The following RBFOX3 variants were observed in gnomAD, a reference collection of about 807,000 sequenced individuals.
The protein encoded by RBFOX3 is RNA binding fox-1 homolog 3.
Under a neutral mutation model 48.7 loss-of-function variants are expected in RBFOX3, and 17 were observed. The ratio of observed to expected loss-of-function variants is 0.35; its 90% CI spans 0.24 to 0.52. The LOEUF (loss-of-function observed/expected upper bound fraction) is 0.52. RBFOX3 is among the 20% of genes least tolerant of loss of function. RBFOX3 has a pLI of 0.94. For missense variants in RBFOX3, 382 were observed against 497.5 expected, an observed-to-expected ratio of 0.77 and a Z score of 2.21; for synonymous variants, 212 against 209.5, an observed-to-expected ratio of 1.01 and a Z score of -0.10.
chr17:79,109,660 A>G (rs1004251746), intron 5 of RBFOX3, among the ~76,000 whole-genome samples: 1 of 152,202 alleles, frequency 6.6e-6, no homozygotes, highest in Non-Finnish European at 1.5e-5. Context: ...CTCGGTGGAC[A>G]GGGATGTGCC....
chr17:79,353,578 A>T (rs1441851990), intron 2 of RBFOX3, among the ~76,000 whole-genome samples: 1 of 152,238 alleles, frequency 6.6e-6, no homozygotes, highest in East Asian at 1.9e-4. Context: ...ACTCATGCAG[A>T]TGCTGCAGTG....
intron 2 of RBFOX3, among the ~76,000 whole-genome samples, chr17:79,433,630 G>T (rs1333782031): frequency 1.3e-5 from 2 of 152,168 alleles, no homozygotes; most frequent in Admixed American, 6.5e-5. Context: ...ACGTGAGCAG[G>T]ACTGAGCCAC....
At chr17:79,305,231 G>A (rs1333467922) in intron 3 of RBFOX3, among the ~76,000 whole-genome samples, 1 of 152,214 alleles carries the variant, frequency 6.6e-6, no homozygotes, top group South Asian at 2.1e-4. Context: ...GGGGGGGAAA[G>A]GGAGAGGTGG....
chr17:79,607,918 G>A (rs2093872477), intron 1 of RBFOX3, among the ~76,000 whole-genome samples: 1 of 152,188 alleles, frequency 6.6e-6, no homozygotes, highest in Non-Finnish European at 1.5e-5. Context: ...AGTGACAGGC[G>A]CAGGACAGAA....
At chr17:79,649,043 A>T in the RBFOX3 span, among the ~76,000 whole-genome samples, 1 of 150,590 alleles carries the variant, frequency 6.6e-6, no homozygotes, top group East Asian at 1.9e-4. Context: ...CAGAGCTACA[A>T]TTGCAGCTCA....
intron 4 of RBFOX3, among the ~76,000 whole-genome samples, chr17:79,224,367 G>A (rs1471323381): frequency 1.3e-5 from 2 of 152,214 alleles, no homozygotes; most frequent in Non-Finnish European, 2.9e-5. Context: ...GGCATTGTGT[G>A]GACTTTCCCT....
chr17:79,541,128 A>C (rs2089635287), intron 1 of RBFOX3, among the ~76,000 whole-genome samples: 2 of 152,334 alleles, frequency 1.3e-5, no homozygotes, highest in South Asian at 4.1e-4. Context: ...GGACAAAATC[A>C]TCAGAATAAA....
intron 3 of RBFOX3, among the ~76,000 whole-genome samples, chr17:79,301,241 G>T (rs936244604): frequency 6.6e-6 from 1 of 152,210 alleles, no homozygotes; most frequent in Admixed American, 6.5e-5. Flanking sequence ...GAAGGACTTT[G>T]CACATGTGGA....
Position 79,145,562 on chromosome 17 carries a change from G to A in RBFOX3, c.-33-29814C>T, listed in dbSNP as rs1489193798. ...CAGGCCAGCCCAGTCGGCTCTGAGA[G>A]GGGGCCCCGCCCCACCGCCCTGGCC... is the stretch of plus-strand genomic sequence containing the variant. On this transcript the variant is annotated intron_variant, in intron 4 of 14. Coordinates refer to ENST00000693108, the MANE Select transcript of RBFOX3 (RefSeq NM_001350451.2). Among the ~76,000 whole-genome samples, 7 of 152,206 alleles carry A rather than the reference G, an allele frequency of 4.6e-5. No individual in the cohort carries two copies. In the East Asian group the frequency reaches 1.3e-3, roughly 29 times the overall value.
At chr17:79,138,337 A>G (rs2040764729) in intron 4 of RBFOX3, among the ~76,000 whole-genome samples, 1 of 152,118 alleles carries the variant, frequency 6.6e-6, no homozygotes, top group South Asian at 2.1e-4. Context: ...GCTCGTGTGT[A>G]CCATGTCACA....
intron 2 of RBFOX3, among the ~76,000 whole-genome samples, chr17:79,394,972 A>G (rs1020251142): frequency 3.9e-5 from 6 of 152,342 alleles, no homozygotes; most frequent in Admixed American, 3.3e-4. Flanking sequence ...AGAAGGGTGG[A>G]TGAGAACCCA....
intron 2 of RBFOX3, among the ~76,000 whole-genome samples, chr17:79,405,037 G>A (rs933897962): frequency 6.6e-6 from 1 of 152,160 alleles, no homozygotes; most frequent in African/African-American, 2.4e-5. Context: ...GACTATGAGG[G>A]CCTCCCAAGC....
intron 2 of RBFOX3, among the ~76,000 whole-genome samples, chr17:79,374,666 C>T (rs776338054): frequency 3.3e-5 from 5 of 152,350 alleles, no homozygotes; most frequent in South Asian, 2.1e-4. Flanking sequence ...CGCATGTTTG[C>T]GGGCTTTCTC....
At chr17:79,449,369 A>G (rs979709612) in intron 2 of RBFOX3, among the ~76,000 whole-genome samples, 4 of 151,310 alleles carry the variant, frequency 2.6e-5, no homozygotes, top group East Asian at 1.9e-4. Flanking sequence ...GCTGTCCCCA[A>G]ACTTTCTCCC....
chr17:79,566,481 G>A (rs1003891322), intron 1 of RBFOX3, among the ~76,000 whole-genome samples: 2 of 152,220 alleles, frequency 1.3e-5, no homozygotes, highest in African/African-American at 2.4e-5. Flanking sequence ...CATGTGCTGT[G>A]CATCCTGGGG....
chr17:79,548,376 G>A (rs1490914969), intron 1 of RBFOX3, among the ~76,000 whole-genome samples: 9 of 152,212 alleles, frequency 5.9e-5, no homozygotes, highest in African/African-American at 1.9e-4. Flanking sequence ...TGTGACTCCC[G>A]AGGCTCGGAG....
chr17:79,219,435 C>T (rs545537567), intron 4 of RBFOX3, among the ~76,000 whole-genome samples: 3 of 152,238 alleles, frequency 2.0e-5, no homozygotes, highest in Non-Finnish European at 4.4e-5. Context: ...CAGACACACA[C>T]ACATACCCTA....
chr17:79,249,014 G>C lies in RBFOX3; in HGVS notation c.-73-13209C>G, dbSNP rs1001923436. Among the ~76,000 whole-genome samples the C allele has an allele frequency of 6.6e-6, 1 of 152,216 alleles. No homozygotes were observed. Among genetic ancestry groups the C allele is most frequent in the Non-Finnish European group, 1.5e-5 (1 of 68,040 alleles). On this transcript the variant is annotated intron_variant, in intron 3 of 14. Coordinates refer to ENST00000693108, the MANE Select transcript of RBFOX3 (RefSeq NM_001350451.2). The surrounding 1 kb of genome is among the most constrained non-coding windows in gnomAD (Gnocchi z 4.1). ...AGCTGGGACCTGCCTCCATCGGCTGGGATGCGGTGCGGTCTTCCGCCAGCG... is the reference window on the plus strand; with the variant it reads ...AGCTGGGACCTGCCTCCATCGGCTGCGATGCGGTGCGGTCTTCCGCCAGCG...
At chr17:79,247,145 G>A (rs1009091897) in intron 3 of RBFOX3, among the ~76,000 whole-genome samples, 1 of 152,066 alleles carries the variant, frequency 6.6e-6, no homozygotes, top group East Asian at 1.9e-4. Flanking sequence ...GGCCAAGTGT[G>A]CTGGAGGCTG....
Sources: allele counts gnomAD v4.1 joint callset (sites outside exome capture counted in the v4.1 genomes callset), GRCh38; gene constraint gnomAD v4.1.1; non-coding constraint Gnocchi (gnomAD v3.1); transcripts MANE v1.5; gene names NCBI Gene and HGNC (gene_info 2026-07-23, HGNC 2026-07-21).